AGBL1: variants seen among roughly 807,000 people sequenced by gnomAD.
The protein encoded by AGBL1 is cytosolic carboxypeptidase 4.
Under a neutral mutation model 118.9 loss-of-function variants are expected in AGBL1, and 130 were observed. The ratio of observed to expected loss-of-function variants is 1.09; its 90% CI spans 0.95 to 1.26. The LOEUF (loss-of-function observed/expected upper bound fraction) is 1.26. Ranked by LOEUF, AGBL1 falls within the 50% of genes most tolerant of loss-of-function variation. The pLI is 0.00. For missense variants in AGBL1, 1,584 were observed against 1,298.1 expected (o/e 1.22, Z -3.38); for synonymous variants, 555 against 478.9 (o/e 1.16, Z -2.08).
chr15:86,295,783 G>C (rs908407747), intron 17 of AGBL1: 4 of 159,166 alleles, frequency 2.5e-5, no homozygotes, highest in African/African-American at 9.6e-5. Context: ...GGTTTGGAAA[G>C]AAAGAAAGTT....
chr15:86,894,938 C>T (rs1482555020), intron 22 of AGBL1, among the ~76,000 whole-genome samples: 1 of 151,998 alleles, frequency 6.6e-6, no homozygotes, highest in Non-Finnish European at 1.5e-5. Context: ...CAACTTTGTT[C>T]AAAGGGAATA....
intron 18 of AGBL1, among the ~76,000 whole-genome samples, chr15:86,440,548 A>C (rs1431229): frequency 0.44 from 65,851 of 151,282 alleles, 14,953 homozygotes; most frequent in East Asian, 0.82. Context: ...ATTCCAGGCA[A>C]TGTGCCTACC....
At chr15:86,663,636 G>A (rs964781275) in intron 21 of AGBL1, among the ~76,000 whole-genome samples, 1 of 152,036 alleles carries the variant, frequency 6.6e-6, no homozygotes, top group South Asian at 2.1e-4. Flanking sequence ...GAGTTTTTTG[G>A]TGGAGGCATG....
intron 22 of AGBL1, among the ~76,000 whole-genome samples, chr15:86,757,779 G>T (rs951819795): frequency 6.6e-6 from 1 of 151,990 alleles, no homozygotes; most frequent in African/African-American, 2.4e-5. Context: ...CTCTCTAAGC[G>T]GATTTGTAGT....
At chr15:86,803,544 G>T (rs192498515) in intron 22 of AGBL1, among the ~76,000 whole-genome samples, 1 of 152,244 alleles carries the variant, frequency 6.6e-6, no homozygotes, top group Admixed American at 6.5e-5. Flanking sequence ...TTCAGAAACG[G>T]TAAGAGTCAA....
chr15:86,215,810 T>C (rs1458112608), intron 5 of AGBL1, among the ~76,000 whole-genome samples: 2 of 152,212 alleles, frequency 1.3e-5, no homozygotes, highest in Non-Finnish European at 2.9e-5. Flanking sequence ...AATTGTACCA[T>C]GAAGAACAGT....
intron 18 of AGBL1, among the ~76,000 whole-genome samples, chr15:86,484,346 C>A (rs1460853468): frequency 2.0e-5 from 3 of 152,090 alleles, no homozygotes; most frequent in Non-Finnish European, 2.9e-5. Flanking sequence ...GGCAGCGAAT[C>A]ATTTTTATTT....
chr15:86,923,756 A>C (rs72754049), intron 23 of AGBL1, among the ~76,000 whole-genome samples: 6 of 152,310 alleles, frequency 3.9e-5, no homozygotes, highest in Non-Finnish European at 5.9e-5. Context: ...ATCTGACAAA[A>C]TGCTCCCTAT....
chr15:86,482,715 T>C (rs949645297), intron 18 of AGBL1, among the ~76,000 whole-genome samples: 1 of 152,142 alleles, frequency 6.6e-6, no homozygotes, highest in African/African-American at 2.4e-5. Context: ...ACTTTGTGTC[T>C]TGTAGTCATG....
chr15:86,847,763 C>G, intron 22 of AGBL1, among the ~76,000 whole-genome samples: 1 of 152,236 alleles, frequency 6.6e-6, no homozygotes, highest in East Asian at 1.9e-4. Context: ...TGGAGTCAGA[C>G]AGTGATGTGT....
intron 17 of AGBL1, among the ~76,000 whole-genome samples, chr15:86,317,865 TGAAGTG>T (rs2080040755): frequency 6.6e-6 from 1 of 152,210 alleles, no homozygotes; most frequent in Non-Finnish European, 1.5e-5. Context: ...ATGAAATTCT[TGAAGTG>T]GAAGACTATA....
At chr15:86,590,820 G>A (rs1011248998) in intron 21 of AGBL1, among the ~76,000 whole-genome samples, 1 of 152,154 alleles carries the variant, frequency 6.6e-6, no homozygotes, top group Non-Finnish European at 1.5e-5. Context: ...TTTATTTGCT[G>A]GCTCTCTGAC....
intron 21 of AGBL1, among the ~76,000 whole-genome samples, chr15:86,626,997 C>T (rs1304835479): frequency 6.7e-6 from 1 of 148,168 alleles, no homozygotes; most frequent in African/African-American, 2.6e-5. Flanking sequence ...GCCACAACGA[C>T]CAGCTAATTT....
At chr15:87,005,248 T>C (rs2442080) in intron 24 of AGBL1, among the ~76,000 whole-genome samples, 79,952 of 151,780 alleles carry the variant, frequency 0.53, 22,909 homozygotes, top group South Asian at 0.72. Context: ...CCTTGCTAGA[T>C]TGGGGAAGTT....
Position 86,795,234 on chromosome 15 carries a change from A to G in AGBL1, c.3159-111853A>G, listed in dbSNP as rs1209735317. 6.6e-5 allele frequency among the ~76,000 whole-genome samples: 10 copies of G among 152,258 alleles called. No individual in the cohort carries two copies. In the South Asian group the frequency reaches 1.0e-3, roughly 16 times the overall value. ...ATCTGCTCTTGCTTGGATCCCCTGC[A>G]TTGTGAAAGGGAGACATGGGGATAG... is the stretch of plus-strand genomic sequence containing the variant. On this transcript the variant is annotated intron_variant, in intron 22 of 22. Transcript: ENST00000614907.
At chr15:86,373,109 T>G (rs2080992798) in intron 17 of AGBL1, among the ~76,000 whole-genome samples, 1 of 152,236 alleles carries the variant, frequency 6.6e-6, no homozygotes, top group African/African-American at 2.4e-5. Flanking sequence ...GCATGCAGCC[T>G]AATGGGTCAT....
Position 86,247,670 on chromosome 15 carries a change from G to A in AGBL1, c.527-1G>A, listed in dbSNP as rs781359756. On this transcript the variant is annotated splice_acceptor_variant, in intron 6 of 22. Transcript: ENST00000614907. LOFTEE classifies it high-confidence loss of function. ...GACCCTGCCTTTCCCTTTGTTTTCA[G>A]AGTCGAACGGCCGCAGAGCAGTGAA... 1 of 1,597,018 alleles carries A rather than the reference G, an allele frequency of 6.3e-7. No homozygotes were observed. The highest frequency in any genetic ancestry group is 1.1e-5 in the South Asian group (1 of 88,408).
chr15:86,966,153 T>C (rs1220538077), intron 23 of AGBL1, among the ~76,000 whole-genome samples: 1 of 151,838 alleles, frequency 6.6e-6, no homozygotes, highest in African/African-American at 2.4e-5. Flanking sequence ...AAAATAGCAA[T>C]AAAGGCTAAG....
At chr15:86,735,790 A>C in intron 22 of AGBL1, among the ~76,000 whole-genome samples, 1 of 152,170 alleles carries the variant, frequency 6.6e-6, no homozygotes, top group East Asian at 1.9e-4. Context: ...TTTAAAATGT[A>C]CATAGGCGTG....
Sources: allele counts gnomAD v4.1 joint callset (sites outside exome capture counted in the v4.1 genomes callset), GRCh38; gene constraint gnomAD v4.1.1; transcripts MANE v1.5; gene names NCBI Gene and HGNC (gene_info 2026-07-23, HGNC 2026-07-21).